The following CTCF variants were observed in gnomAD, a reference collection of about 807,000 sequenced individuals.
The protein encoded by CTCF is transcriptional repressor CTCF.
In CTCF, 7 loss-of-function variants were observed where a neutral mutation model predicts 72.3. The ratio of observed to expected loss-of-function variants is 0.10; its 90% CI spans 0.06 to 0.18. The LOEUF (loss-of-function observed/expected upper bound fraction) is 0.18. Ranked by LOEUF, CTCF falls within the 10% of genes least tolerant of loss-of-function variation. The pLI, the probability that CTCF is intolerant of heterozygous loss-of-function variation, is 1.00. For synonymous variants in CTCF, 374 were observed against 315.8 expected, an observed-to-expected ratio of 1.18 and a Z score of -1.95; for missense variants, 516 against 949.1, an observed-to-expected ratio of 0.54 and a Z score of 6.00.
chr16:67,579,213 A>G (rs547472631), intron 2 of CTCF, among the ~76,000 whole-genome samples: 19 of 152,142 alleles, frequency 1.2e-4, no homozygotes, highest in Admixed American at 1.1e-3. Context: ...CGAGATCGCC[A>G]TTGCACTCCA....
At chr16:67,632,352 T>C (rs753708210) in intron 10 of CTCF, among the ~76,000 whole-genome samples, 7 of 152,306 alleles carry the variant, frequency 4.6e-5, no homozygotes, top group Non-Finnish European at 8.8e-5. Context: ...AAGAGATTAT[T>C]GATAGCTTCT....
At chr16:67,632,314 G>A (rs2052376382) in intron 10 of CTCF, among the ~76,000 whole-genome samples, 1 of 152,114 alleles carries the variant, frequency 6.6e-6, no homozygotes. Context: ...TTCCCTAATT[G>A]TATGTAACCA....
chr16:67,565,538 G>A (rs975877651), intron 1 of CTCF, among the ~76,000 whole-genome samples: 2 of 151,982 alleles, frequency 1.3e-5, no homozygotes, highest in East Asian at 2.0e-4. Flanking sequence ...GCCAGGCATG[G>A]TGGCACACGC....
chr16:67,590,075 G>A (rs1299432751), intron 2 of CTCF, among the ~76,000 whole-genome samples: 2 of 151,084 alleles, frequency 1.3e-5, no homozygotes, highest in African/African-American at 4.9e-5. Flanking sequence ...CAACAAGAGC[G>A]AAACTCCGTC....
chr16:67,624,632 G>A (rs563779432), intron 7 of CTCF, among the ~76,000 whole-genome samples: 1 of 151,866 alleles, frequency 6.6e-6, no homozygotes, highest in East Asian at 1.9e-4. Flanking sequence ...TTGCTCTGTT[G>A]CCCAGGCTGG....
At chr16:67,573,487 T>G (rs182212363) in intron 2 of CTCF, among the ~76,000 whole-genome samples, 50 of 152,236 alleles carry the variant, frequency 3.3e-4, no homozygotes, top group Non-Finnish European at 2.4e-4. Context: ...AATAGACATT[T>G]TTGGAGCAGA....
chr16:67,574,977 G>A (rs937328004), intron 2 of CTCF, among the ~76,000 whole-genome samples: 1 of 152,018 alleles, frequency 6.6e-6, no homozygotes, highest in African/African-American at 2.4e-5. Context: ...ATTCTTAACT[G>A]TGTGTTTTAC....
At chr16:67,621,748 C>CTTTT (rs34853932) in intron 7 of CTCF, among the ~76,000 whole-genome samples, 157 bp downstream of exon 7, 11 of 121,338 alleles carry the variant, frequency 9.1e-5, no homozygotes, top group African/African-American at 1.7e-4. Context: ...TGCTTAGCTG[C>CTTTT]TTTTTTTTTT....
rs953965583 is a variant in CTCF at position 67,593,059 on chromosome 16, T to G, written c.-9-17765T>G. ...AAATTTATATATATATGTATAAATG[T>G]TTAATATATATTTTATATTTATATA... On this transcript the variant is annotated intron_variant, in intron 2 of 11. Coordinates refer to ENST00000264010, the MANE Select transcript of CTCF (RefSeq NM_006565.4). Among the ~76,000 whole-genome samples the G allele has an allele frequency of 2.0e-5, 3 of 148,838 alleles. No individual in the cohort carries two copies. In the Admixed American group the frequency reaches 2.0e-4, roughly 10 times the overall value.
chr16:67,579,784 A>G (rs1434745060), intron 2 of CTCF, among the ~76,000 whole-genome samples: 1 of 152,098 alleles, frequency 6.6e-6, no homozygotes, highest in Non-Finnish European at 1.5e-5. Context: ...TAGTGTAAAC[A>G]TAGAGAATTG....
At chr16:67,565,619 G>A (rs1196457966) in intron 1 of CTCF, among the ~76,000 whole-genome samples, 1 of 148,146 alleles carries the variant, frequency 6.8e-6, no homozygotes, top group Admixed American at 6.8e-5. Flanking sequence ...GTTGCAGTGA[G>A]CCGAGATTGT....
At chr16:67,624,071 A>ATGTGTGTGTGTGTGTG (rs58387336) in intron 7 of CTCF, among the ~76,000 whole-genome samples, 41 of 117,552 alleles carry the variant, frequency 3.5e-4, no homozygotes, top group Admixed American at 7.8e-4. Context: ...AAAATTATAT[A>ATGTGTGTGTGTGTGTG]TGTGTGTGTG....
intron 10 of CTCF, among the ~76,000 whole-genome samples, chr16:67,634,480 T>A (rs796550956): frequency 1.6e-4 from 24 of 151,736 alleles, no homozygotes; most frequent in African/African-American, 5.1e-4. Context: ...AGTGCTGGGA[T>A]TACAGGCGTG....
chr16:67,573,577 A>G (rs532331390), intron 2 of CTCF, among the ~76,000 whole-genome samples: 18 of 152,332 alleles, frequency 1.2e-4, no homozygotes, highest in African/African-American at 3.6e-4. Flanking sequence ...TTCTCTCTGT[A>G]TAGGTTCTAT....
chr16:67,620,871 A>G (rs1376557619), intron 6 of CTCF, 54 bp downstream of exon 6: 5 of 1,471,834 alleles, frequency 3.4e-6, no homozygotes, highest in East Asian at 2.3e-5. Flanking sequence ...AGTGAATCCC[A>G]TGGGACCCTG....
chr16:67,578,151 G>A (rs1289761914), intron 2 of CTCF, among the ~76,000 whole-genome samples: 2 of 152,014 alleles, frequency 1.3e-5, no homozygotes, highest in Non-Finnish European at 1.5e-5. Context: ...CACATTTAAT[G>A]TAAGAACATG....
At chr16:67,582,472 C>T (rs1184619659) in intron 2 of CTCF, among the ~76,000 whole-genome samples, 6 of 152,088 alleles carry the variant, frequency 3.9e-5, no homozygotes, top group South Asian at 2.1e-4. Flanking sequence ...GCGAACGGAT[C>T]GCTTGAGTTC....
chr16:67,624,985 C>T (rs973457212), intron 7 of CTCF, among the ~76,000 whole-genome samples: 12 of 152,244 alleles, frequency 7.9e-5, no homozygotes, highest in Middle Eastern at 3.4e-3. Flanking sequence ...AGTAGAGTGG[C>T]GCGATCTCGG....
At chr16:67,595,946 C>T (rs1250854158) in intron 2 of CTCF, among the ~76,000 whole-genome samples, 11 of 150,774 alleles carry the variant, frequency 7.3e-5, no homozygotes. Context: ...CTTTTTTTTT[C>T]TTTTCCTCTT....
Sources: allele counts gnomAD v4.1 joint callset (sites outside exome capture counted in the v4.1 genomes callset), GRCh38; gene constraint gnomAD v4.1.1; transcripts MANE v1.5; gene names NCBI Gene and HGNC (gene_info 2026-07-23, HGNC 2026-07-21).